The following B4GALT5 variants were observed in gnomAD, a reference collection of about 807,000 sequenced individuals.
B4GALT5 encodes UDP-Gal:beta-GlcNAc beta-1,4-galactosyltransferase 5.
B4GALT5 carries 11 observed loss-of-function variants against 45.0 expected under a neutral mutation model. That is an observed-to-expected ratio of 0.24 (90% CI 0.15 to 0.40). The LOEUF (loss-of-function observed/expected upper bound fraction) is 0.40. Ranked by LOEUF, B4GALT5 falls within the 10% of genes least tolerant of loss-of-function variation. B4GALT5 has a pLI of 1.00. For synonymous variants in B4GALT5, 185 were observed against 182.9 expected (o/e 1.01, Z -0.09); for missense variants, 337 against 500.2 (o/e 0.67, Z 3.11).
At chr20:49,662,108 C>A (rs1416870198) in intron 1 of B4GALT5, among the ~76,000 whole-genome samples, 1 of 152,200 alleles carries the variant, frequency 6.6e-6, no homozygotes, top group African/African-American at 2.4e-5. Flanking sequence ...CTGATTCTAA[C>A]AGGAAAACCT....
chr20:49,667,858 T>A (rs982072450), intron 1 of B4GALT5, among the ~76,000 whole-genome samples: 3 of 152,240 alleles, frequency 2.0e-5, no homozygotes, highest in African/African-American at 7.2e-5. Flanking sequence ...AATTTTTCCA[T>A]TTTAAATCTG....
At chr20:49,643,052 T>C (rs1392097777) in intron 4 of B4GALT5, among the ~76,000 whole-genome samples, 2 of 152,228 alleles carry the variant, frequency 1.3e-5, no homozygotes, top group Non-Finnish European at 2.9e-5. Flanking sequence ...TTTTAATAGA[T>C]ACTTGTTGAA....
chr20:49,703,295 G>C (rs1268584232), intron 1 of B4GALT5, among the ~76,000 whole-genome samples: 1 of 146,870 alleles, frequency 6.8e-6, no homozygotes, highest in East Asian at 1.9e-4. Context: ...ACCACCAAAA[G>C]AAGAAAAATG....
intron 1 of B4GALT5, among the ~76,000 whole-genome samples, chr20:49,682,518 AC>A (rs35246841): frequency 6.6e-6 from 1 of 152,118 alleles, no homozygotes; most frequent in Admixed American, 6.5e-5. Flanking sequence ...CAGGCCACTG[AC>A]CCAACCACTG....
Position 49,673,966 on chromosome 20 carries a change from G to A in B4GALT5, c.116-17264C>T, listed in dbSNP as rs141250177. Among the ~76,000 whole-genome samples the A allele has an allele frequency of 4.3e-3, 646 of 151,546 alleles. 5 individuals are homozygous for A. Among genetic ancestry groups the A allele is most frequent in the African/African-American group, 0.014 (592 of 41,346 alleles). ...ATAAAAAGTTCTGGGGGCCAGGCAT[G>A]GTGGTTCACGCCTGTAATCCCACCA... On this transcript the variant is annotated intron_variant, in intron 1 of 8. Transcript: ENST00000371711.
intron 1 of B4GALT5, among the ~76,000 whole-genome samples, chr20:49,687,879 T>TAA (rs374029440): frequency 6.9e-6 from 1 of 145,542 alleles, no homozygotes; most frequent in Admixed American, 6.8e-5. Flanking sequence ...CAGAGAAAAT[T>TAA]AAAAAAAAAA....
At chr20:49,663,686 AAAAAATATATACAT>A (rs2085675175) in intron 1 of B4GALT5, among the ~76,000 whole-genome samples, 1 of 7,538 alleles carries the variant, frequency 1.3e-4, no homozygotes, top group African/African-American at 3.2e-4. Flanking sequence ...AAAAAAAAAA[AAAAAATATATACAT>A]ATATATATAT....
At position 49,713,612 on chromosome 20, in the gene B4GALT5, A is replaced by T. The variant is rs569993024; in HGVS notation, c.79T>A (p.Ser27Thr). ...GCCACATAGACGAAGTACAGCAGCG[A>T]GGACGAGAGAGAAAAGAAGAAGAGC... is the stretch of plus-strand genomic sequence containing the variant. ...AALFFFSLSSSLLYFVYVAPG... is the reference protein window; with the variant it reads ...AALFFFSLSSTLLYFVYVAPG... The change falls in exon 1 of 9, where the codon TCG becomes ACG. Residue 27 changes from serine (S) to threonine (T), a missense_variant. This residue lies in a region of B4GALT5 where 174 missense variants were observed against 207.4 expected (regional missense o/e 0.84). Coordinates refer to ENST00000371711, the MANE Select transcript of B4GALT5 (RefSeq NM_004776.4). 1 of 1,589,560 alleles carries T rather than the reference A, an allele frequency of 6.3e-7. No individual in the cohort carries two copies. The highest frequency in any genetic ancestry group is 1.8e-5 in the Admixed American group (1 of 56,384).
intron 6 of B4GALT5, among the ~76,000 whole-genome samples, chr20:49,640,192 A>AT (rs2122994637): frequency 6.6e-6 from 1 of 152,150 alleles, no homozygotes; most frequent in Non-Finnish European, 1.5e-5. Context: ...GTCACTATAG[A>AT]TTTGCTTATT....
At chr20:49,685,710 T>C (rs191243427) in intron 1 of B4GALT5, among the ~76,000 whole-genome samples, 8 of 152,232 alleles carry the variant, frequency 5.3e-5, no homozygotes, top group Admixed American at 2.0e-4. Context: ...AGACAATAGG[T>C]AGAAAAGTAG....
intron 1 of B4GALT5, 54 bp from the exon 2 acceptor site, chr20:49,656,756 A>C (rs41283574): frequency 6.2e-7 from 1 of 1,612,024 alleles, no homozygotes; most frequent in Middle Eastern, 1.7e-4. Context: ...ATCATTTAAA[A>C]AAACATACCA....
At chr20:49,651,915 C>T (rs2085624381) in intron 2 of B4GALT5, among the ~76,000 whole-genome samples, 1 of 151,942 alleles carries the variant, frequency 6.6e-6, no homozygotes, top group Admixed American at 6.6e-5. Context: ...CTCATCTCTA[C>T]TAAAAATACA....
chr20:49,697,937 T>A (rs1159990603), intron 1 of B4GALT5, among the ~76,000 whole-genome samples: 1 of 152,220 alleles, frequency 6.6e-6, no homozygotes, highest in East Asian at 1.9e-4. Flanking sequence ...TTTTACCTGA[T>A]TAAATAAACT....
chr20:49,670,621 C>T (rs1256752960), intron 1 of B4GALT5, among the ~76,000 whole-genome samples: 2 of 152,194 alleles, frequency 1.3e-5, no homozygotes, highest in Non-Finnish European at 2.9e-5. Context: ...CACTGAACTG[C>T]TATCTGCCTA....
intron 1 of B4GALT5, among the ~76,000 whole-genome samples, chr20:49,663,698 C>CATAT (rs71186468): frequency 2.8e-4 from 22 of 78,582 alleles, no homozygotes; most frequent in South Asian, 1.3e-3. Context: ...AAAATATATA[C>CATAT]ATATATATAT....
chr20:49,652,554 T>C (rs1475664474), intron 2 of B4GALT5, among the ~76,000 whole-genome samples: 5 of 150,344 alleles, frequency 3.3e-5, no homozygotes, highest in Non-Finnish European at 7.4e-5. Flanking sequence ...GAGGTGAAGA[T>C]GACCCACTCC....
chr20:49,704,032 C>G (rs191237450), intron 1 of B4GALT5, among the ~76,000 whole-genome samples: 1 of 151,870 alleles, frequency 6.6e-6, no homozygotes, highest in Non-Finnish European at 1.5e-5. Flanking sequence ...CATTTTTTTC[C>G]TTTTTCAATT....
At chr20:49,711,945 A>G (rs2085914189) in intron 1 of B4GALT5, among the ~76,000 whole-genome samples, 1 of 152,184 alleles carries the variant, frequency 6.6e-6, no homozygotes, top group Non-Finnish European at 1.5e-5. Flanking sequence ...ACAATCCTAA[A>G]AGGCATTTCC....
intron 1 of B4GALT5, among the ~76,000 whole-genome samples, chr20:49,659,245 G>A (rs2085655370): frequency 6.6e-6 from 1 of 152,196 alleles, no homozygotes; most frequent in African/African-American, 2.4e-5. Context: ...TATCCACACT[G>A]TTACTGCTCA....
Sources: allele counts gnomAD v4.1 joint callset (sites outside exome capture counted in the v4.1 genomes callset), GRCh38; gene constraint gnomAD v4.1.1; regional missense constraint gnomAD v4.1.1; transcripts MANE v1.5; gene names NCBI Gene and HGNC (gene_info 2026-07-23, HGNC 2026-07-21).